The following DOCK3 variants were observed in gnomAD, a reference collection of about 807,000 sequenced individuals.
DOCK3 encodes dedicator of cytokinesis protein 3.
In DOCK3, 60 loss-of-function variants were observed where a neutral mutation model predicts 265.6. The ratio of observed to expected loss-of-function variants is 0.23; its 90% CI spans 0.18 to 0.28. DOCK3 has a LOEUF of 0.28. Among genes scored for constraint, DOCK3 ranks in the 10% least tolerant of loss-of-function variants. DOCK3 has a pLI of 1.00. For missense variants in DOCK3, 1,981 were observed against 2,594.3 expected, an observed-to-expected ratio of 0.76 and a Z score of 5.14; for synonymous variants, 881 against 938.0, an observed-to-expected ratio of 0.94 and a Z score of 1.11.
At chr3:50,735,657 A>G (rs1024635892) in intron 1 of DOCK3, among the ~76,000 whole-genome samples, 1 of 152,078 alleles carries the variant, frequency 6.6e-6, no homozygotes, top group African/African-American at 2.4e-5. Context: ...GATTAGGGGA[A>G]ATTTTCTGTC....
intron 5 of DOCK3, among the ~76,000 whole-genome samples, chr3:51,017,326 T>C (rs1043459974): frequency 2.0e-5 from 3 of 151,622 alleles, no homozygotes; most frequent in Admixed American, 6.6e-5. Context: ...GTCAGCTTTT[T>C]GTTTCATTGA....
intron 9 of DOCK3, among the ~76,000 whole-genome samples, chr3:51,132,976 C>G (rs2106981763): frequency 6.6e-6 from 1 of 152,212 alleles, no homozygotes; most frequent in South Asian, 2.1e-4. Flanking sequence ...CTGCCTGAGA[C>G]AACACTGATG....
chr3:51,099,889 T>A (rs2083015240), intron 9 of DOCK3, among the ~76,000 whole-genome samples: 1 of 152,210 alleles, frequency 6.6e-6, no homozygotes, highest in Non-Finnish European at 1.5e-5. Context: ...AAGGTACACC[T>A]ACTGTGGGGC....
intron 5 of DOCK3, among the ~76,000 whole-genome samples, chr3:51,061,265 G>A (rs1034048179): frequency 2.0e-5 from 3 of 152,064 alleles, no homozygotes; most frequent in African/African-American, 4.8e-5. Flanking sequence ...ATACACACGT[G>A]TGTTTATTGC....
intron 5 of DOCK3, among the ~76,000 whole-genome samples, chr3:50,946,720 G>A (rs999202056): frequency 1.2e-4 from 18 of 152,186 alleles, no homozygotes; most frequent in African/African-American, 4.1e-4. Flanking sequence ...TTTGCTTGTA[G>A]CAGACTGCAT....
intron 23 of DOCK3, among the ~76,000 whole-genome samples, chr3:51,268,375 C>T (rs116755633): frequency 1.3e-5 from 2 of 152,160 alleles, no homozygotes; most frequent in African/African-American, 4.8e-5. Flanking sequence ...CCTTTCCACA[C>T]AGCCTTACCC....
chr3:51,276,349 C>T, intron 25 of DOCK3: 6 of 985,114 alleles, frequency 6.1e-6, no homozygotes, highest in Non-Finnish European at 7.2e-6. Flanking sequence ...CTACTCATAG[C>T]CCAAGGTTGT....
chr3:51,094,559 C>A (rs2082755502), intron 9 of DOCK3, among the ~76,000 whole-genome samples: 2 of 151,564 alleles, frequency 1.3e-5, no homozygotes, highest in Non-Finnish European at 2.9e-5. Flanking sequence ...TTTCTCTTTT[C>A]TTCTTTATTA....
chr3:50,779,571 A>T (rs2041811475), intron 2 of DOCK3, among the ~76,000 whole-genome samples: 1 of 151,910 alleles, frequency 6.6e-6, no homozygotes, highest in Admixed American at 6.6e-5. Flanking sequence ...TTTAGTAGAG[A>T]TAGGATTTCA....
intron 1 of DOCK3, among the ~76,000 whole-genome samples, chr3:50,705,406 G>GT (rs532628202): frequency 2.9e-4 from 44 of 151,882 alleles, no homozygotes; most frequent in African/African-American, 9.7e-4. Context: ...AGATCTGCTG[G>GT]TTTTTTTCAT....
At chr3:51,284,387 A>G (rs913073718) in intron 27 of DOCK3, among the ~76,000 whole-genome samples, 1 of 152,166 alleles carries the variant, frequency 6.6e-6, no homozygotes, top group African/African-American at 2.4e-5. Flanking sequence ...AAGTACGCCA[A>G]CTTTTACAGT....
chr3:51,314,851 CAT>C (rs1382130943), intron 31 of DOCK3, 127 bp from the exon 32 acceptor site: 1 of 1,174,168 alleles, frequency 8.5e-7, no homozygotes, highest in Non-Finnish European at 1.1e-6. Context: ...CTCAGAAAAC[CAT>C]AGGGGAGAGC....
At position 51,136,584 on chromosome 3, in the gene DOCK3, C is replaced by T. The variant is rs2084814658; in HGVS notation, c.747-9965C>T. On this transcript the variant is annotated intron_variant, in intron 9 of 52. Coordinates refer to ENST00000266037, the MANE Select transcript of DOCK3 (RefSeq NM_004947.5). ...ATTATAGCATTTTCACATCGTGGTG[C>T]AATTTGTGGTTTATGTGTGTCTCTG... Among the ~76,000 whole-genome samples the T allele has an allele frequency of 2.0e-5, 3 of 152,000 alleles. 1 individual carries two copies. In the South Asian group the frequency reaches 6.2e-4, roughly 32 times the overall value.
At chr3:50,898,830 A>G (rs1184482551) in intron 4 of DOCK3, among the ~76,000 whole-genome samples, 1 of 152,110 alleles carries the variant, frequency 6.6e-6, no homozygotes, top group Non-Finnish European at 1.5e-5. Context: ...ATTTGATTGC[A>G]CTGTGGTCTG....
intron 27 of DOCK3, among the ~76,000 whole-genome samples, chr3:51,294,921 T>C (rs1415271469): frequency 6.6e-6 from 1 of 152,138 alleles, no homozygotes; most frequent in East Asian, 1.9e-4. Context: ...ATGATAAATA[T>C]CTGAGGTGAT....
intron 4 of DOCK3, among the ~76,000 whole-genome samples, chr3:50,927,189 C>T (rs1398387670): frequency 6.6e-6 from 1 of 152,138 alleles, no homozygotes; most frequent in East Asian, 1.9e-4. Context: ...GAAATCTTCT[C>T]AGTGAAACAT....
At chr3:50,859,212 T>G (rs1036737725) in intron 3 of DOCK3, among the ~76,000 whole-genome samples, 4 of 7,938 alleles carry the variant, frequency 5.0e-4, no homozygotes, top group African/African-American at 1.8e-3. Context: ...CTGGTATGGT[T>G]TTTTTTTTTT....
Position 51,063,162 on chromosome 3 carries a change from T to C in DOCK3, c.316-1286T>C, listed in dbSNP as rs2081477475. 2.0e-5 allele frequency among the ~76,000 whole-genome samples: 3 copies of C among 152,004 alleles called. No individual in the cohort carries two copies. In the South Asian group the frequency reaches 6.2e-4, roughly 31 times the overall value. On this transcript the variant is annotated intron_variant, in intron 5 of 52. Transcript: ENST00000266037. ...CTTTAGGGGGCTGAAGCAAGAGGAT[T>C]ACTTGGACCTGAGAGTTTGAGATCA... is the stretch of plus-strand genomic sequence containing the variant.
chr3:51,064,552 G>T lies in DOCK3; in HGVS notation c.420G>T (p.Arg140=), dbSNP rs1277370651. ...LSGHLTQDQV[R]EVKRHITVRL... Reference sequence around the variant, plus strand: ...GTCACCTGACTCAGGATCAGGTGCGGGAGGTTAAGCGGCACATCACCGTGC... The same window carrying T: ...GTCACCTGACTCAGGATCAGGTGCGTGAGGTTAAGCGGCACATCACCGTGC... The change falls in exon 6 of 53, where the codon CGG becomes CGT. Residue 140 remains arginine (R), a synonymous_variant. Coordinates refer to ENST00000266037, the MANE Select transcript of DOCK3 (RefSeq NM_004947.5). 1.2e-6 allele frequency: 2 copies of T among 1,613,946 alleles called. No homozygotes were observed. The highest frequency in any genetic ancestry group is 1.7e-5 in the Admixed American group (1 of 60,010).
Sources: gnomAD v4.1 joint callset for allele counts (sites outside exome capture counted in the v4.1 genomes callset) on GRCh38, gnomAD v4.1.1 for gene constraint, MANE v1.5 for transcripts, NCBI Gene and HGNC (gene_info 2026-07-23, HGNC 2026-07-21) for gene names.